Variants in FZR1 observed in about 807,000 individuals in gnomAD.
The protein encoded by FZR1 is fizzy-related protein homolog.
Under a neutral mutation model 63.6 loss-of-function variants are expected in FZR1, and 11 were observed. The observed-to-expected ratio is 0.17, with a 90% CI of 0.11 to 0.29. The LOEUF is 0.29. FZR1 is among the 10% of genes least tolerant of loss of function. The pLI is 1.00. For synonymous variants in FZR1, 328 were observed against 297.9 expected, an observed-to-expected ratio of 1.10 and a Z score of -1.04; for missense variants, 440 against 687.5, an observed-to-expected ratio of 0.64 and a Z score of 4.03.
At position 3,525,763 on chromosome 19, in the gene FZR1, C is replaced by A. The variant is rs926703400; in HGVS notation, c.70-105C>A. On this transcript the variant is annotated intron_variant, in intron 2 of 13. Coordinates refer to ENST00000441788, the MANE Select transcript of FZR1 (RefSeq NM_016263.4). This position sits in a 1 kb window ranked among gnomAD's most constrained non-coding sequence, Gnocchi z 4.2. ...GGCCCACCCCTTGGGTTTTCAAGAT[C>A]AAAGCCCCCTTTGCTCAGTGGCCAG... 7.1e-7 allele frequency: 1 copy of A among 1,403,040 alleles called. No homozygotes were observed. Among genetic ancestry groups the A allele is most frequent in the Non-Finnish European group, 9.7e-7 (1 of 1,033,594 alleles). The allele number at this position is 1,403,040 out of a possible 1,614,324, so 86.9% of individuals were successfully genotyped here.
Position 3,516,234 on chromosome 19 carries a change from C to A in FZR1, c.-34-6722C>A, listed in dbSNP as rs2121915354. ...GGCCGAGTCCCCCAGCCCACAGCCT[C>A]CCCCACCGTCTGACGGGCGGGAGGG... is the stretch of plus-strand genomic sequence containing the variant. On this transcript the variant is annotated intron_variant, in intron 1 of 13. Coordinates refer to ENST00000441788, the MANE Select transcript of FZR1 (RefSeq NM_016263.4). This position sits in a 1 kb window ranked among gnomAD's most constrained non-coding sequence, Gnocchi z 6.0. Among the ~76,000 whole-genome samples, 1 of 152,312 alleles carries A rather than the reference C, an allele frequency of 6.6e-6. No individual in the cohort carries two copies. Among genetic ancestry groups the A allele is most frequent in the Non-Finnish European group, 1.5e-5 (1 of 68,028 alleles).
intron 1 of FZR1, among the ~76,000 whole-genome samples, chr19:3,517,217 C>T (rs892391426): frequency 1.3e-4 from 20 of 151,838 alleles, no homozygotes; most frequent in Non-Finnish European, 1.5e-5. Flanking sequence ...TGGGAAGCCT[C>T]CATCTCTACA....
intron 8 of FZR1, 75 bp from the exon 9 acceptor site, chr19:3,531,639 G>A (rs527815544): frequency 2.0e-4 from 205 of 1,027,818 alleles, no homozygotes; most frequent in Non-Finnish European, 2.8e-4. Flanking sequence ...AGAGCCTGGC[G>A]CGACCAACGC....
At position 3,530,865 on chromosome 19, in the gene FZR1, C is replaced by CAGAGGGCTTGGCCCCCACCTGGG; in HGVS notation, c.720+12_720+34dup. ...GTGGGCTGGTCTGAGCGGGTGAGTG[C>CAGAGGGCTTGGCCCCCACCTGGG]AGAGGGCTTGGCCCCCACCTGGGAG... is the stretch of plus-strand genomic sequence containing the variant. On this transcript the variant is annotated intron_variant, in intron 8 of 13. Transcript: ENST00000441788. 1 of 1,608,798 alleles carries CAGAGGGCTTGGCCCCCACCTGGG rather than the reference C, an allele frequency of 6.2e-7. No homozygotes were observed. The highest frequency in any genetic ancestry group is 2.2e-5 in the East Asian group (1 of 44,814).
Position 3,533,596 on chromosome 19 carries a change from C to T in FZR1, c.1347+198C>T, listed in dbSNP as rs935678263. 55 of 575,222 alleles carry T rather than the reference C, an allele frequency of 9.6e-5. No individual in the cohort carries two copies. In the African/African-American group the frequency reaches 9.8e-4, roughly 10 times the overall value. The allele number at this position is 575,222 out of a possible 1,614,324, so 35.6% of individuals were successfully genotyped here. On this transcript the variant is annotated intron_variant, in intron 12 of 13. Transcript: ENST00000441788. The surrounding 1 kb of genome is among the most constrained non-coding windows in gnomAD (Gnocchi z 4.9). ...TTGGAATGGGCTCTACCGAACTCCC[C>T]AGCCCTGCAGGTGCAGGCCCTGTCC...
chr19:3,516,655 C>T lies in FZR1; in HGVS notation c.-34-6301C>T, dbSNP rs2083061035. 6.6e-6 allele frequency among the ~76,000 whole-genome samples: 1 copy of T among 152,206 alleles called. No individual in the cohort carries two copies. On this transcript the variant is annotated intron_variant, in intron 1 of 13. Coordinates refer to ENST00000441788, the MANE Select transcript of FZR1 (RefSeq NM_016263.4). This position sits in a 1 kb window ranked among gnomAD's most constrained non-coding sequence, Gnocchi z 6.0. ...CAGATCTCGGAGGTGGGAAGACAGT[C>T]TGCACACCCGTCTTGTGCACCCCTG...
chr19:3,512,788 C>T (rs2083032856), intron 1 of FZR1, among the ~76,000 whole-genome samples: 1 of 152,102 alleles, frequency 6.6e-6, no homozygotes, highest in Non-Finnish European at 1.5e-5. Context: ...CATCTAGAGT[C>T]CTCCTCTGAG....
In FZR1 at chr19:3,526,779, G is replaced by A. The variant is rs1230286917; in HGVS notation, c.388-201G>A. Among the ~76,000 whole-genome samples, 2 of 152,120 alleles carry A rather than the reference G, an allele frequency of 1.3e-5. No homozygotes were observed. The highest frequency in any genetic ancestry group is 2.9e-5 in the Non-Finnish European group (2 of 67,974). ...GGCAGGATCACACGGAGCCTGGCTT[G>A]GGTCCCTCGAGAGAGGGCGGGAGGG... On this transcript the variant is annotated intron_variant, in intron 5 of 13. Transcript: ENST00000441788. The surrounding 1 kb of genome is among the most constrained non-coding windows in gnomAD (Gnocchi z 5.4).
intron 1 of FZR1, among the ~76,000 whole-genome samples, chr19:3,510,760 G>C (rs1026728110): frequency 2.0e-5 from 3 of 152,168 alleles, no homozygotes; most frequent in African/African-American, 7.2e-5. Context: ...CCCCACCTGG[G>C]TGACTCCGCC....
chr19:3,534,951 G>T lies in FZR1; in HGVS notation c.*115G>T. The T allele has an allele frequency of 1.2e-6, 1 of 846,282 alleles. No homozygotes were observed. The highest frequency in any genetic ancestry group is 1.4e-5 in the South Asian group (1 of 72,982). 52.4% of individuals were successfully genotyped at this position (846,282 alleles called of 1,614,324 possible). A position where few individuals can be genotyped will look rare whatever the true frequency, so the allele number is the denominator to read the frequency against. Reference sequence around the variant, plus strand: ...TGTCCCCCGAGGAAGGCGGCTGGGCGGGCGGGGAGCTGGGCCTGGAGGATC... The same window carrying T: ...TGTCCCCCGAGGAAGGCGGCTGGGCTGGCGGGGAGCTGGGCCTGGAGGATC... On this transcript the variant is annotated 3_prime_UTR_variant, in exon 14 of 14. Coordinates refer to ENST00000441788, the MANE Select transcript of FZR1 (RefSeq NM_016263.4).
chr19:3,526,411 G>A lies in FZR1; in HGVS notation c.387+25G>A, dbSNP rs202225112. On this transcript the variant is annotated intron_variant, in intron 5 of 13. Coordinates refer to ENST00000441788, the MANE Select transcript of FZR1 (RefSeq NM_016263.4). The surrounding 1 kb of genome is among the most constrained non-coding windows in gnomAD (Gnocchi z 5.4). ...GGTAAGCCTGCGGCACCCCCCACCCGGGAGCTGGCTCCCAGTGCAGCCTCC... is the reference window on the plus strand; with the variant it reads ...GGTAAGCCTGCGGCACCCCCCACCCAGGAGCTGGCTCCCAGTGCAGCCTCC... The A allele has an allele frequency of 7.0e-4, 1,079 of 1,542,618 alleles. 8 individuals carry two copies. The South Asian group carries it at 0.012, about 17-fold the overall frequency.
At chr19:3,530,242 GCAGA>G (rs2083228277) in intron 7 of FZR1, among the ~76,000 whole-genome samples, 2 of 139,852 alleles carry the variant, frequency 1.4e-5, no homozygotes, top group Non-Finnish European at 1.6e-5. Context: ...GGATGGGAGA[GCAGA>G]TGGGTGAGCG....
At position 3,533,537 on chromosome 19, in the gene FZR1, G is replaced by A. The variant is rs878929879; in HGVS notation, c.1347+139G>A. ...CCCGTGGGACCCAGCAGCAGGGGCC[G>A]GCAGGGCATCTGGTGCTGGTTGTGT... On this transcript the variant is annotated intron_variant, in intron 12 of 13. Transcript: ENST00000441788. The surrounding 1 kb of genome is among the most constrained non-coding windows in gnomAD (Gnocchi z 4.9). 9 of 620,552 alleles carry A rather than the reference G, an allele frequency of 1.5e-5. No individual in the cohort carries two copies. Among genetic ancestry groups the A allele is most frequent in the East Asian group, 8.5e-5 (3 of 35,310 alleles). The allele number at this position is 620,552 out of a possible 1,614,324, so 38.4% of individuals were successfully genotyped here.
chr19:3,528,239 G>A (rs1436011933), intron 7 of FZR1, among the ~76,000 whole-genome samples: 28 of 152,250 alleles, frequency 1.8e-4, no homozygotes, highest in Admixed American at 1.8e-3. Flanking sequence ...TGGGCGCATG[G>A]AGCCTGCTAG....
At position 3,516,519 on chromosome 19, in the gene FZR1, T is replaced by A. The variant is rs1286364392; in HGVS notation, c.-34-6437T>A. On this transcript the variant is annotated intron_variant, in intron 1 of 13. Coordinates refer to ENST00000441788, the MANE Select transcript of FZR1 (RefSeq NM_016263.4). This position sits in a 1 kb window ranked among gnomAD's most constrained non-coding sequence, Gnocchi z 6.0. ...CCTGCAGCGCAGCTGAGCGAGGGGC[T>A]TAGAGGGGTCGCTGGGGGTCCCGGA... 6.6e-6 allele frequency among the ~76,000 whole-genome samples: 1 copy of A among 152,186 alleles called. No individual in the cohort carries two copies. Among genetic ancestry groups the A allele is most frequent in the Non-Finnish European group, 1.5e-5 (1 of 68,024 alleles).
At chr19:3,530,317 G>T in intron 7 of FZR1, among the ~76,000 whole-genome samples, 1 of 127,356 alleles carries the variant, frequency 7.9e-6, no homozygotes, top group East Asian at 2.1e-4. Context: ...GGAGAGAGCG[G>T]AGGAGAGTGG....
chr19:3,518,007 C>G (rs930346506), intron 1 of FZR1, among the ~76,000 whole-genome samples: 1 of 135,880 alleles, frequency 7.4e-6, no homozygotes, highest in African/African-American at 2.8e-5. Flanking sequence ...CTAACTGTTT[C>G]TTTCTTTTTT....
At position 3,512,661 on chromosome 19, in the gene FZR1, T is replaced by TG. The variant is rs1456005201; in HGVS notation, c.-35+6191dup. On this transcript the variant is annotated intron_variant, in intron 1 of 13. Transcript: ENST00000441788. ...AGGGCTGAGGGCCGCGTGTGCTGGG[T>TG]GGGGTGGTGCTGGTGGGGGGCTCAC... 2.0e-5 allele frequency among the ~76,000 whole-genome samples: 3 copies of TG among 152,130 alleles called. No homozygotes were observed. In the East Asian group the frequency reaches 5.8e-4, roughly 29 times the overall value.
At chr19:3,532,169 C>T in intron 10 of FZR1, 74 bp downstream of exon 10, 1 of 1,384,612 alleles carries the variant, frequency 7.2e-7, no homozygotes, top group South Asian at 1.4e-5. Flanking sequence ...ACGGAAGAGC[C>T]TGGGCTGGGG....
Sources: gnomAD v4.1 joint callset for allele counts (sites outside exome capture counted in the v4.1 genomes callset) on GRCh38, gnomAD v4.1.1 for gene constraint, Gnocchi (gnomAD v3.1) non-coding constraint, MANE v1.5 for transcripts, NCBI Gene and HGNC (gene_info 2026-07-23, HGNC 2026-07-21) for gene names.